ZFHX3: variants seen among roughly 807,000 people sequenced by gnomAD.
The protein encoded by ZFHX3 is zinc finger homeobox 3, also known as zinc finger homeobox protein 3.
A neutral mutation model predicts 279.1 loss-of-function variants in ZFHX3; 42 were observed. The ratio of observed to expected loss-of-function variants is 0.15; its 90% CI spans 0.12 to 0.19. The LOEUF (loss-of-function observed/expected upper bound fraction) is 0.19. ZFHX3 is among the 10% of genes least tolerant of loss of function. The pLI is 1.00. For missense variants in ZFHX3, 4,981 were observed against 4,754.0 expected (o/e 1.05, Z -1.40); for synonymous variants, 2,293 against 1,957.8 (o/e 1.17, Z -4.52).
intron 3 of ZFHX3, chr16:73,386,764 G>T (rs575784491): frequency 8.4e-6 from 1 of 118,578 alleles, no homozygotes; most frequent in East Asian, 2.2e-4. Context: ...AAAAAAAAAA[G>T]ATTCTAGAGA....
chr16:73,693,291 C>T (rs1199018663), intron 1 of ZFHX3, among the ~76,000 whole-genome samples: 1 of 152,086 alleles, frequency 6.6e-6, no homozygotes, highest in Non-Finnish European at 1.5e-5. Context: ...ACATACACAT[C>T]AAACTCTGCA....
Position 73,187,178 on chromosome 16 carries a change from T to G in ZFHX3, c.-1103-43347A>C, listed in dbSNP as rs375188008. Among the ~76,000 whole-genome samples the G allele has an allele frequency of 2.9e-5, 3 of 105,122 alleles. 1 individual carries two copies. The highest frequency in any genetic ancestry group is 6.2e-5 in the Non-Finnish European group (3 of 48,108). 69.0% of individuals were successfully genotyped at this position (105,122 alleles called of 152,430 possible). ...CACACACACACACACACACACTCAC[T>G]CAGTGGGAAATGTGTTTGTCTAAAA... On this transcript the variant is annotated intron_variant, in intron 5 of 17. Coordinates refer to the ZFHX3 transcript ENST00000641206.
chr16:73,619,612 C>A (rs2052339107), intron 2 of ZFHX3, among the ~76,000 whole-genome samples: 1 of 151,816 alleles, frequency 6.6e-6, no homozygotes, highest in African/African-American at 2.4e-5. Context: ...GGACATCCTG[C>A]AAAGTTTATG....
intron 4 of ZFHX3, among the ~76,000 whole-genome samples, chr16:72,862,304 C>G (rs537119568): frequency 9.7e-4 from 148 of 152,358 alleles, no homozygotes; most frequent in Admixed American, 2.4e-3. Flanking sequence ...GCCCCAGGGC[C>G]TTTGCACCAA....
chr16:72,992,823 G>A (rs936433603), intron 1 of ZFHX3, among the ~76,000 whole-genome samples: 3 of 152,226 alleles, frequency 2.0e-5, no homozygotes, highest in Non-Finnish European at 2.9e-5. Flanking sequence ...AGGCACCAAA[G>A]AGCCTTCGAG....
intron 3 of ZFHX3, among the ~76,000 whole-genome samples, chr16:72,931,956 A>G (rs1029084650): frequency 2.6e-5 from 4 of 152,238 alleles, no homozygotes; most frequent in Non-Finnish European, 5.9e-5. Context: ...AACAAGAACC[A>G]AAGTCAAATA....
intron 2 of ZFHX3, among the ~76,000 whole-genome samples, chr16:73,464,625 G>A (rs1051002497): frequency 6.6e-6 from 1 of 151,908 alleles, no homozygotes; most frequent in Admixed American, 6.6e-5. Context: ...AACACAACAC[G>A]AGCATGTGTT....
At chr16:73,552,195 G>T (rs933647643) in intron 2 of ZFHX3, among the ~76,000 whole-genome samples, 3 of 152,116 alleles carry the variant, frequency 2.0e-5, no homozygotes, top group African/African-American at 4.8e-5. Flanking sequence ...TTAGTGGGAC[G>T]AGATACCAGA....
At chr16:72,975,439 TCAAA>T (rs1003120870) in intron 1 of ZFHX3, among the ~76,000 whole-genome samples, 4 of 151,926 alleles carry the variant, frequency 2.6e-5, no homozygotes, top group African/African-American at 9.7e-5. Context: ...AGACTCTGTC[TCAAA>T]CAAAATAAAA....
chr16:73,502,142 G>A (rs1183101762), intron 2 of ZFHX3, among the ~76,000 whole-genome samples: 1 of 152,082 alleles, frequency 6.6e-6, no homozygotes, highest in Admixed American at 6.5e-5. Flanking sequence ...GAAGAAACAT[G>A]TTAGGCCATC....
Position 72,957,737 on chromosome 16 carries a change from G to A in ZFHX3, c.2409C>T (p.Thr803=), listed in dbSNP as rs746309221. The A allele has an allele frequency of 4.3e-6, 7 of 1,614,022 alleles. No individual in the cohort carries two copies. The highest frequency in any genetic ancestry group is 5.9e-6 in the Non-Finnish European group (7 of 1,180,040). ...PSPTKPKTKP[T]WRCEVCDYET... is the part of the protein sequence containing the mutation. ...CATAATCACACACCTCGCACCGCCA[G>A]GTGGGTTTGGTTTTTGGTTTGGTCG... Residue 803 remains threonine (T), a synonymous_variant, in exon 2 of 10, where the codon ACC becomes ACT. Transcript: ENST00000268489.
In ZFHX3 at chr16:73,631,919, T is replaced by TCTCTCC. The variant is rs1417705346; in HGVS notation, c.-1547+48260_-1547+48261insGGAGAG. ...GGGATTCTCTCTCTCTCTCTCTCTC[T>TCTCTCC]CTCTCTCTCACACACACACACACAC... On this transcript the variant is annotated intron_variant, in intron 2 of 17. Transcript: ENST00000641206. Among the ~76,000 whole-genome samples the TCTCTCC allele has an allele frequency of 7.0e-4, 76 of 109,314 alleles. 2 individuals are homozygous for TCTCTCC. Among genetic ancestry groups the TCTCTCC allele is most frequent in the African/African-American group, 2.3e-3 (72 of 30,776 alleles). 71.7% of individuals were successfully genotyped at this position (109,314 alleles called of 152,430 possible).
intron 3 of ZFHX3, among the ~76,000 whole-genome samples, chr16:73,433,547 G>A (rs547704475): frequency 1.3e-5 from 2 of 152,198 alleles, no homozygotes; most frequent in South Asian, 2.1e-4. Context: ...CCTGGCAACC[G>A]ACGCCCACCC....
At chr16:73,290,064 T>C (rs186614456) in intron 4 of ZFHX3, among the ~76,000 whole-genome samples, 2 of 151,592 alleles carry the variant, frequency 1.3e-5, no homozygotes, top group South Asian at 4.2e-4. Context: ...TAGACATTTA[T>C]ATACGAACTA....
At position 73,175,195 on chromosome 16, in the gene ZFHX3, C is replaced by A. The variant is rs184872466; in HGVS notation, c.-1103-31364G>T. ...AGGAGTTCGAGACCAGCCTGGCCAA[C>A]ATGGTGAAACCCTGTCTCTACTAAA... is the stretch of plus-strand genomic sequence containing the variant. On this transcript the variant is annotated intron_variant, in intron 5 of 17. Transcript: ENST00000641206. 5.9e-5 allele frequency among the ~76,000 whole-genome samples: 9 copies of A among 152,226 alleles called. No homozygotes were observed. In the East Asian group the frequency reaches 1.7e-3, roughly 29 times the overall value.
chr16:72,945,247 T>C (rs902872894), intron 3 of ZFHX3, among the ~76,000 whole-genome samples: 5 of 152,182 alleles, frequency 3.3e-5, no homozygotes, highest in African/African-American at 9.7e-5. Flanking sequence ...TGGTGAATCA[T>C]GAGCCATACG....
chr16:73,737,531 A>G (rs1045247985), intron 1 of ZFHX3, among the ~76,000 whole-genome samples: 3 of 152,228 alleles, frequency 2.0e-5, no homozygotes, highest in African/African-American at 7.2e-5. Context: ...AGTAATATCA[A>G]CACCATGTAT....
intron 4 of ZFHX3, among the ~76,000 whole-genome samples, chr16:72,845,288 G>A (rs766439783): frequency 8.5e-5 from 13 of 152,222 alleles, no homozygotes; most frequent in Non-Finnish European, 1.3e-4. Context: ...CCACACACAC[G>A]CCTAGAGGAC....
chr16:72,838,869 C>T (rs1040373497), intron 4 of ZFHX3, among the ~76,000 whole-genome samples: 1 of 151,762 alleles, frequency 6.6e-6, no homozygotes, highest in Non-Finnish European at 1.5e-5. Flanking sequence ...AAATATGTCG[C>T]GGACTCGCCT....
Sources: allele counts gnomAD v4.1 joint callset (sites outside exome capture counted in the v4.1 genomes callset), GRCh38; gene constraint gnomAD v4.1.1; transcripts MANE v1.5; gene names NCBI Gene and HGNC (gene_info 2026-07-23, HGNC 2026-07-21).